The following TNNI3K variants were observed in gnomAD, a reference collection of about 807,000 sequenced individuals.
TNNI3K encodes TNNI3 interacting kinase, also known as serine/threonine-protein kinase TNNI3K.
A neutral mutation model predicts 114.5 loss-of-function variants in TNNI3K; 140 were observed. That is an observed-to-expected ratio of 1.22 (90% CI 1.07 to 1.41). The LOEUF (loss-of-function observed/expected upper bound fraction) is 1.41, where lower values mean the gene tolerates loss of function less well. Among genes scored for constraint, TNNI3K ranks in the 40% most tolerant of loss-of-function variants. TNNI3K has a pLI of 0.00. For missense variants in TNNI3K, 1,125 were observed against 1,007.6 expected, an observed-to-expected ratio of 1.12 and a Z score of -1.58; for synonymous variants, 347 against 347.5, an observed-to-expected ratio of 1.00 and a Z score of 0.02.
At chr1:74,350,908 G>T (rs533578523) in intron 9 of TNNI3K, among the ~76,000 whole-genome samples, 2 of 151,998 alleles carry the variant, frequency 1.3e-5, no homozygotes, top group South Asian at 4.2e-4. Flanking sequence ...GATGTGTCTT[G>T]ACTCTTTATC....
At chr1:74,492,287 A>G (rs1344483464) in intron 23 of TNNI3K, 21 bp downstream of exon 23, 1 of 1,472,256 alleles carries the variant, frequency 6.8e-7, no homozygotes, top group Admixed American at 1.9e-5. Context: ...ATATAAGCAA[A>G]TCTCACAGTA....
intron 23 of TNNI3K, among the ~76,000 whole-genome samples, chr1:74,506,405 A>G (rs574118004): frequency 1.1e-3 from 161 of 152,324 alleles, no homozygotes; most frequent in African/African-American, 3.7e-3. Context: ...CCAAGATTTG[A>G]GCCGAGATCA....
chr1:74,386,098 C>T (rs547809900), intron 17 of TNNI3K, among the ~76,000 whole-genome samples: 1 of 152,300 alleles, frequency 6.6e-6, no homozygotes, highest in African/African-American at 2.4e-5. Context: ...ATTCTCTTGC[C>T]TGCCACCATA....
chr1:74,372,492 C>T (rs1412332596), intron 17 of TNNI3K: 1 of 151,868 alleles, frequency 6.6e-6, no homozygotes, highest in Non-Finnish European at 1.5e-5. Flanking sequence ...CTAGTTTTCA[C>T]ATAAAAGTCA....
In TNNI3K at chr1:74,544,334, G is replaced by A. The variant is rs201656803; in HGVS notation, c.*352G>A. ...TGTAGACTTGTGTTTGACAGCTATGGGTTTATTTCTTAGAACATTGTTCAT... is the reference window on the plus strand; with the variant it reads ...TGTAGACTTGTGTTTGACAGCTATGAGTTTATTTCTTAGAACATTGTTCAT... On this transcript the variant is annotated 3_prime_UTR_variant, in exon 25 of 25. Transcript: ENST00000326637. 5.3e-6 allele frequency: 1 copy of A among 190,462 alleles called. No homozygotes were observed. Among genetic ancestry groups the A allele is most frequent in the Non-Finnish European group, 1.1e-5 (1 of 94,382 alleles). The allele number at this position is 190,462 out of a possible 1,614,324, so 11.8% of individuals were successfully genotyped here.
rs199856828 is a variant in TNNI3K, at chr1:74,544,212, A to G, written c.*230A>G. On this transcript the variant is annotated 3_prime_UTR_variant, in exon 25 of 25. Coordinates refer to ENST00000326637, the MANE Select transcript of TNNI3K (RefSeq NM_015978.3). ...AGAATGTATATGAAGAATTGTTTTTAATTTTGTAAATTAAAAAAAAATTTA... is the reference window on the plus strand; with the variant it reads ...AGAATGTATATGAAGAATTGTTTTTGATTTTGTAAATTAAAAAAAAATTTA... The G allele has an allele frequency of 4.9e-4, 218 of 442,632 alleles. No individual in the cohort carries two copies. In the South Asian group the frequency reaches 5.8e-3, roughly 12 times the overall value. 27.4% of individuals were successfully genotyped at this position (442,632 alleles called of 1,614,324 possible).
intron 5 of TNNI3K, among the ~76,000 whole-genome samples, chr1:74,274,710 G>T (rs903380153): frequency 3.9e-5 from 6 of 151,992 alleles, no homozygotes; most frequent in African/African-American, 1.2e-4. Flanking sequence ...AACTTATGAT[G>T]GGGTTATATC....
chr1:74,470,094 T>C, intron 21 of TNNI3K: 1 of 400,736 alleles, frequency 2.5e-6, no homozygotes, highest in Non-Finnish European at 4.4e-6. Flanking sequence ...CTTTATCTGG[T>C]TGAATATTTT....
At chr1:74,359,564 T>C (rs1661844398) in intron 11 of TNNI3K, among the ~76,000 whole-genome samples, 1 of 152,056 alleles carries the variant, frequency 6.6e-6, no homozygotes, top group Admixed American at 6.6e-5. Context: ...ATACCATTAA[T>C]TTTAAGCCTC....
intron 5 of TNNI3K, among the ~76,000 whole-genome samples, chr1:74,298,711 T>C (rs1245069197): frequency 6.6e-6 from 1 of 152,098 alleles, no homozygotes; most frequent in African/African-American, 2.4e-5. Context: ...TATAATATAC[T>C]TCCCTGCCTT....
intron 20 of TNNI3K, among the ~76,000 whole-genome samples, chr1:74,450,525 A>G (rs1162289444): frequency 6.6e-6 from 1 of 152,218 alleles, no homozygotes; most frequent in East Asian, 1.9e-4. Context: ...TCTAATACCC[A>G]CAATCTACAA....
intron 23 of TNNI3K, among the ~76,000 whole-genome samples, chr1:74,530,274 A>G (rs994477001): frequency 1.3e-5 from 2 of 152,256 alleles, no homozygotes; most frequent in Admixed American, 1.3e-4. Flanking sequence ...GGATATAGCC[A>G]TAACTTTGAG....
intron 23 of TNNI3K, among the ~76,000 whole-genome samples, chr1:74,532,244 TA>T (rs1397206478): frequency 1.3e-5 from 2 of 152,194 alleles, no homozygotes; most frequent in Admixed American, 1.3e-4. Context: ...AATTGTTGGA[TA>T]AAGGAAAGTA....
intron 4 of TNNI3K, among the ~76,000 whole-genome samples, chr1:74,270,768 A>G (rs900077990): frequency 4.0e-5 from 6 of 151,820 alleles, no homozygotes; most frequent in Non-Finnish European, 7.4e-5. Context: ...GTTGTGGTTT[A>G]AATTCCTACT....
intron 21 of TNNI3K, among the ~76,000 whole-genome samples, chr1:74,482,676 G>T (rs1356829261): frequency 2.0e-5 from 3 of 152,120 alleles, no homozygotes; most frequent in Non-Finnish European, 2.9e-5. Flanking sequence ...TTGGATATCA[G>T]GATGTAAATC....
At chr1:74,325,822 AAAAAATATCAATCCT>A (rs1659870002) in intron 5 of TNNI3K, among the ~76,000 whole-genome samples, 1 of 152,202 alleles carries the variant, frequency 6.6e-6, no homozygotes, top group Admixed American at 6.5e-5. Flanking sequence ...AAATAACTGG[AAAAAATATCAATCCT>A]AAATCAACTT....
At chr1:74,249,913 G>A (rs565600473) in intron 3 of TNNI3K, among the ~76,000 whole-genome samples, 4 of 152,200 alleles carry the variant, frequency 2.6e-5, no homozygotes, top group African/African-American at 9.6e-5. Flanking sequence ...AGAGTATGTG[G>A]AAAAGTGATA....
Position 74,404,621 on chromosome 1 carries a change from C to G in TNNI3K, c.1773-31459C>G, listed in dbSNP as rs570400763. On this transcript the variant is annotated intron_variant, in intron 17 of 24. Coordinates refer to ENST00000326637, the MANE Select transcript of TNNI3K (RefSeq NM_015978.3). ...TGGGGCCAAAATATTGTATTGCTAA[C>G]AAGTTCCCAGGTGAGACTAATGCTG... 6.6e-5 allele frequency among the ~76,000 whole-genome samples: 10 copies of G among 152,304 alleles called. No homozygotes were observed. In the South Asian group the frequency reaches 2.1e-3, roughly 32 times the overall value.
rs770875832 is a variant in TNNI3K at position 74,463,459 on chromosome 1, T to A, written c.2030T>A (p.Met677Lys). The A allele has an allele frequency of 6.2e-6, 10 of 1,614,104 alleles. No individual in the cohort carries two copies. Among genetic ancestry groups the A allele is most frequent in the African/African-American group, 2.7e-5 (2 of 74,946 alleles). ...HLKPAAAAADMAYHHIRPPIG... is the reference protein window; with the variant it reads ...HLKPAAAAADKAYHHIRPPIG... ...TTTGCAGCGGCTGCGGCAGCAGACATGGCTTACCACCACATCAGACCTCCC... is the reference window on the plus strand; with the variant it reads ...TTTGCAGCGGCTGCGGCAGCAGACAAGGCTTACCACCACATCAGACCTCCC... Residue 677 changes from methionine to lysine, a missense_variant, in exon 21 of 25, where the codon ATG becomes AAG. Coordinates refer to ENST00000326637, the MANE Select transcript of TNNI3K (RefSeq NM_015978.3).
Sources: allele counts gnomAD v4.1 joint callset (sites outside exome capture counted in the v4.1 genomes callset), GRCh38; gene constraint gnomAD v4.1.1; transcripts MANE v1.5; gene names NCBI Gene and HGNC (gene_info 2026-07-23, HGNC 2026-07-21).